The following RAB31 variants were observed in gnomAD, a reference collection of about 807,000 sequenced individuals.
RAB31 encodes ras-related protein Rab-31.
RAB31 carries 21 observed loss-of-function variants against 25.6 expected under a neutral mutation model. The observed-to-expected ratio is 0.82, with a 90% CI of 0.58 to 1.18. RAB31 has a LOEUF of 1.18. Ranked by LOEUF, RAB31 falls within the 50% of genes most tolerant of loss-of-function variation. The probability of loss-of-function intolerance (pLI) is 0.00; values close to 1 mark genes in which losing one functional copy is unlikely to be tolerated. For synonymous variants in RAB31, 87 were observed against 84.0 expected (o/e 1.04, Z -0.20); for missense variants, 196 against 250.1 (o/e 0.78, Z 1.46).
chr18:9,808,660 C>T (rs533442907), intron 3 of RAB31, among the ~76,000 whole-genome samples: 46 of 152,314 alleles, frequency 3.0e-4, no homozygotes, highest in African/African-American at 8.9e-4. Flanking sequence ...CTGCCCTTGA[C>T]GCTCCCTTAT....
chr18:9,732,242 G>A (rs34941590), intron 1 of RAB31, among the ~76,000 whole-genome samples: 44,680 of 152,110 alleles, frequency 0.29, 6,727 homozygotes, highest in East Asian at 0.4. Flanking sequence ...TCACACGCAT[G>A]CAGGCAACAA....
intron 4 of RAB31, 41 bp from the exon 5 acceptor site, chr18:9,815,075 T>C (rs1339609856): frequency 5.2e-6 from 7 of 1,343,888 alleles, no homozygotes; most frequent in Non-Finnish European, 7.3e-6. Flanking sequence ...AATATTATAT[T>C]GAGGGGTCTT....
At chr18:9,711,235 A>T (rs575843265) in intron 1 of RAB31, among the ~76,000 whole-genome samples, 1 of 152,024 alleles carries the variant, frequency 6.6e-6, no homozygotes, top group South Asian at 2.1e-4. Context: ...TCCAGGCTGG[A>T]GTGCAGTGGT....
chr18:9,759,424 G>A (rs12968869), intron 1 of RAB31, among the ~76,000 whole-genome samples: 24,892 of 151,452 alleles, frequency 0.16, 2,230 homozygotes, highest in Non-Finnish European at 0.19. Context: ...TCCCACCTCA[G>A]CCTCCCGAAG....
At chr18:9,814,846 A>G (rs2068592985) in intron 4 of RAB31, 1 of 277,114 alleles carries the variant, frequency 3.6e-6, no homozygotes. Flanking sequence ...CCAGGCTATC[A>G]TTTTAAATTA....
At chr18:9,749,218 C>A (rs1430917320) in intron 1 of RAB31, among the ~76,000 whole-genome samples, 2 of 152,226 alleles carry the variant, frequency 1.3e-5, no homozygotes, top group African/African-American at 4.8e-5. Context: ...TAATAATCAG[C>A]ACTTATTGAA....
intron 3 of RAB31, among the ~76,000 whole-genome samples, chr18:9,811,344 A>G (rs1471748283): frequency 1.3e-5 from 2 of 152,208 alleles, no homozygotes; most frequent in Non-Finnish European, 2.9e-5. Context: ...TTTCCACACT[A>G]TTGTGAGTGC....
chr18:9,732,304 C>G (rs1234748055), intron 1 of RAB31, among the ~76,000 whole-genome samples: 1 of 151,774 alleles, frequency 6.6e-6, no homozygotes, highest in Non-Finnish European at 1.5e-5. Flanking sequence ...GGGGTTTCAT[C>G]AGAGCCCTAG....
At chr18:9,815,257 T>A in intron 5 of RAB31, 35 bp downstream of exon 5, 1 of 1,412,676 alleles carries the variant, frequency 7.1e-7, no homozygotes. Context: ...GTGTAGATAC[T>A]GTCCTCCATC....
chr18:9,851,318 T>C (rs554788984), intron 6 of RAB31, among the ~76,000 whole-genome samples: 7 of 152,348 alleles, frequency 4.6e-5, no homozygotes, highest in Non-Finnish European at 8.8e-5. Context: ...TCAAAAGGCA[T>C]GTCTTTTATT....
intron 2 of RAB31, chr18:9,787,375 T>C (rs1346098566): frequency 6.2e-6 from 1 of 160,706 alleles, no homozygotes; most frequent in Non-Finnish European, 1.4e-5. Flanking sequence ...GCAGGGTTAT[T>C]AGTCAAAAAT....
intron 3 of RAB31, among the ~76,000 whole-genome samples, chr18:9,805,734 G>A (rs984861946): frequency 6.6e-6 from 1 of 152,212 alleles, no homozygotes; most frequent in African/African-American, 2.4e-5. Flanking sequence ...GATACTGTTT[G>A]TTGAATGAAT....
chr18:9,848,830 C>T lies in RAB31; in HGVS notation c.490+3139C>T, dbSNP rs548864765. Among the ~76,000 whole-genome samples the T allele has an allele frequency of 1.3e-3, 192 of 152,156 alleles. 1 individual carries two copies. The highest frequency in any genetic ancestry group is 2.3e-3 in the Non-Finnish European group (156 of 68,038). The stretch of plus-strand genomic sequence containing the variant: ...GAGATGAATGTTTCTCTTTTACAGT[C>T]CCATAGTGTTCATAAACCAGAAATG... On this transcript the variant is annotated intron_variant, in intron 6 of 6. Coordinates refer to ENST00000578921, the MANE Select transcript of RAB31 (RefSeq NM_006868.4).
intron 2 of RAB31, among the ~76,000 whole-genome samples, chr18:9,779,131 T>A (rs2068389332): frequency 1.3e-5 from 2 of 152,182 alleles, no homozygotes; most frequent in Non-Finnish European, 2.9e-5. Context: ...TTCAAACCCA[T>A]GTTCAAGGGT....
Position 9,845,655 on chromosome 18 carries a change from A to T in RAB31, c.454A>T (p.Asn152Tyr), listed in dbSNP as rs1313992692. 1 of 1,565,704 alleles carries T rather than the reference A, an allele frequency of 6.4e-7. No individual in the cohort carries two copies. The highest frequency in any genetic ancestry group is 2.4e-5 in the East Asian group (1 of 42,550). Reference sequence around the variant, plus strand: ...CATCGTGGTTGAGACAAGTGCAAAAAATGCTATTAATATCGAAGAGCTCTT... The same window carrying T: ...CATCGTGGTTGAGACAAGTGCAAAATATGCTATTAATATCGAAGAGCTCTT... Reference protein sequence around the residue: ...GAIVVETSAKNAINIEELFQG... With the variant: ...GAIVVETSAKYAINIEELFQG... Residue 152 changes from asparagine (N) to tyrosine (Y), a missense_variant, in exon 6 of 7, where the codon AAT becomes TAT. By Grantham distance (143) the Asn-to-Tyr change is moderately radical. Coordinates refer to ENST00000578921, the MANE Select transcript of RAB31 (RefSeq NM_006868.4).
chr18:9,733,390 C>T (rs2068133188), intron 1 of RAB31, among the ~76,000 whole-genome samples: 1 of 152,128 alleles, frequency 6.6e-6, no homozygotes, highest in South Asian at 2.1e-4. Flanking sequence ...AAAATGACGA[C>T]CCCTGACTGC....
Position 9,756,247 on chromosome 18 carries a change from A to G in RAB31, c.40-19031A>G, listed in dbSNP as rs147025286. 3.9e-3 allele frequency among the ~76,000 whole-genome samples: 587 copies of G among 152,316 alleles called. 2 individuals carry two copies. The highest frequency in any genetic ancestry group is 0.013 in the African/African-American group (539 of 41,574). On this transcript the variant is annotated intron_variant, in intron 1 of 6. Coordinates refer to ENST00000578921, the MANE Select transcript of RAB31 (RefSeq NM_006868.4). ...ATAGACCCTGATATAGTTAACCTTC[A>G]TGAGTATAAGACAATTCCTAATACA...
chr18:9,760,129 A>C (rs2068280598), intron 1 of RAB31, among the ~76,000 whole-genome samples: 1 of 151,020 alleles, frequency 6.6e-6, no homozygotes, highest in South Asian at 2.1e-4. Context: ...GTGCTTTAGA[A>C]TTCGTTTAAT....
At position 9,750,824 on chromosome 18, in the gene RAB31, TG is replaced by T; in HGVS notation, c.40-24453del. ...ATTATCATCTGCAAACTTTTGGCCT[TG>T]TTGCCTCAATCCTACTGCAATCTTC... On this transcript the variant is annotated intron_variant, in intron 1 of 6. Coordinates refer to ENST00000578921, the MANE Select transcript of RAB31 (RefSeq NM_006868.4). 2.0e-5 allele frequency among the ~76,000 whole-genome samples: 3 copies of T among 152,306 alleles called. No homozygotes were observed. The South Asian group carries it at 6.2e-4, about 32-fold the overall frequency.
Sources: allele counts gnomAD v4.1 joint callset (sites outside exome capture counted in the v4.1 genomes callset), GRCh38; gene constraint gnomAD v4.1.1; transcripts MANE v1.5; gene names NCBI Gene and HGNC (gene_info 2026-07-23, HGNC 2026-07-21).